The following RHBDL3 variants were observed in gnomAD, a reference collection of about 807,000 sequenced individuals.
RHBDL3 encodes the protein rhomboid-related protein 3.
Under a neutral mutation model 48.2 loss-of-function variants are expected in RHBDL3, and 28 were observed. That is an observed-to-expected ratio of 0.58 (90% CI 0.43 to 0.80). RHBDL3 has a LOEUF of 0.80. Ranked by LOEUF, RHBDL3 falls within the 30% of genes least tolerant of loss-of-function variation. The pLI is 0.00. For synonymous variants in RHBDL3, 208 were observed against 232.3 expected (o/e 0.90, Z 0.95); for missense variants, 464 against 542.7 (o/e 0.85, Z 1.44).
intron 2 of RHBDL3, among the ~76,000 whole-genome samples, chr17:32,268,328 G>A (rs761499760): frequency 6.6e-6 from 1 of 152,170 alleles, no homozygotes; most frequent in Non-Finnish European, 1.5e-5. Context: ...CACCGCTGAA[G>A]TCAAATCTCT....
chr17:32,270,850 T>C (rs555339469), intron 2 of RHBDL3, among the ~76,000 whole-genome samples: 60 of 152,316 alleles, frequency 3.9e-4, no homozygotes, highest in African/African-American at 1.4e-3. Context: ...TTTAAGTAGA[T>C]TTAAAATTTA....
intron 3 of RHBDL3, among the ~76,000 whole-genome samples, chr17:32,287,257 A>T (rs2040218963): frequency 6.6e-6 from 1 of 151,916 alleles, no homozygotes; most frequent in South Asian, 2.1e-4. Context: ...GGTGCTGTGC[A>T]CTCCCCTGTG....
chr17:32,266,133 C>G lies in RHBDL3; in HGVS notation c.-57C>G. The G allele has an allele frequency of 1.6e-6, 1 of 627,952 alleles. No individual in the cohort carries two copies. The highest frequency in any genetic ancestry group is 2.1e-6 in the Non-Finnish European group (1 of 480,426). The allele number at this position is 627,952 out of a possible 1,614,324, so 38.9% of individuals were successfully genotyped here. On this transcript the variant is annotated 5_prime_UTR_variant, in exon 1 of 9. Coordinates refer to ENST00000269051, the MANE Select transcript of RHBDL3 (RefSeq NM_138328.3). ...CGCGGCCGCCGCGGCGCAAAGTTAG[C>G]CCGGCGCCCCGGGACGAGCCCCGCA...
At chr17:32,299,046 GT>G (rs71362825) in intron 6 of RHBDL3, among the ~76,000 whole-genome samples, 104 of 141,218 alleles carry the variant, frequency 7.4e-4, no homozygotes, top group South Asian at 2.3e-3. Flanking sequence ...ATTGCCGGCT[GT>G]TTTTTTTTTT....
intron 7 of RHBDL3, among the ~76,000 whole-genome samples, chr17:32,315,525 C>T (rs532949987): frequency 1.4e-4 from 21 of 152,312 alleles, no homozygotes; most frequent in African/African-American, 5.1e-4. Flanking sequence ...GGCCCACCCC[C>T]TCTCCAGTAT....
At chr17:32,269,090 G>T (rs1197111948) in intron 2 of RHBDL3, among the ~76,000 whole-genome samples, 1 of 152,178 alleles carries the variant, frequency 6.6e-6, no homozygotes, top group African/African-American at 2.4e-5. Context: ...ACTCACGCTT[G>T]TAATCCCAAC....
chr17:32,290,482 G>A (rs1019616755), intron 4 of RHBDL3, among the ~76,000 whole-genome samples: 5 of 152,150 alleles, frequency 3.3e-5, no homozygotes, highest in Non-Finnish European at 7.4e-5. Flanking sequence ...TCAAATAGCT[G>A]AAATAACGAT....
At chr17:32,296,619 C>A (rs1435948056) in intron 5 of RHBDL3, among the ~76,000 whole-genome samples, 7 of 151,878 alleles carry the variant, frequency 4.6e-5, no homozygotes, top group Non-Finnish European at 8.8e-5. Context: ...CAGGCTTGAG[C>A]CACCGCACCT....
At chr17:32,295,777 T>A (rs1156786146) in intron 5 of RHBDL3, among the ~76,000 whole-genome samples, 1 of 152,218 alleles carries the variant, frequency 6.6e-6, no homozygotes, top group Non-Finnish European at 1.5e-5. Context: ...CAGTGGGTGT[T>A]AAAGTGCTGT....
At chr17:32,300,218 G>C (rs1166703911) in intron 6 of RHBDL3, among the ~76,000 whole-genome samples, 2 of 152,156 alleles carry the variant, frequency 1.3e-5, no homozygotes, top group African/African-American at 4.8e-5. Context: ...GAACCAAAAG[G>C]TGGTCCTTGT....
intron 2 of RHBDL3, among the ~76,000 whole-genome samples, chr17:32,273,292 G>A (rs1165237953): frequency 6.6e-6 from 1 of 152,146 alleles, no homozygotes; most frequent in African/African-American, 2.4e-5. Context: ...GCGAGCCACC[G>A]CGCCCAGCCC....
chr17:32,266,345 G>A, intron 1 of RHBDL3, 45 bp downstream of exon 1: 1 of 1,100,132 alleles, frequency 9.1e-7, no homozygotes, highest in Non-Finnish European at 1.2e-6. Flanking sequence ...GGGGGCGCCG[G>A]GGGGAAAAGC....
intron 7 of RHBDL3, among the ~76,000 whole-genome samples, chr17:32,313,554 A>C (rs2040893520): frequency 6.6e-6 from 1 of 152,094 alleles, no homozygotes; most frequent in Non-Finnish European, 1.5e-5. Flanking sequence ...TGTACCCACT[A>C]AACAATGACT....
At chr17:32,314,245 G>A (rs147817310) in intron 7 of RHBDL3, among the ~76,000 whole-genome samples, 16 of 152,302 alleles carry the variant, frequency 1.1e-4, no homozygotes, top group Non-Finnish European at 1.6e-4. Context: ...TCAGGGAAGG[G>A]AGGAGGTGGG....
At chr17:32,304,565 T>C (rs2040663744) in intron 6 of RHBDL3, among the ~76,000 whole-genome samples, 1 of 152,204 alleles carries the variant, frequency 6.6e-6, no homozygotes, top group Non-Finnish European at 1.5e-5. Context: ...CAGAGGGCTG[T>C]CTTGAGGATT....
At position 32,323,661 on chromosome 17, in the gene RHBDL3, C is replaced by T. The variant is rs1273870921; in HGVS notation, c.*2432C>T. 1 of 152,232 alleles carries T rather than the reference C, an allele frequency of 6.6e-6. No individual in the cohort carries two copies. The highest frequency in any genetic ancestry group is 1.5e-5 in the Non-Finnish European group (1 of 68,084). 9.4% of individuals were successfully genotyped at this position (152,232 alleles called of 1,614,324 possible). ...GCTCCCTCGGGGACTCCCAGGGAAG[C>T]TTGTTACTGAGAAGGACAGTGGAGG... On this transcript the variant is annotated 3_prime_UTR_variant, in exon 9 of 9. Transcript: ENST00000269051.
At chr17:32,283,781 G>A (rs528381978) in intron 2 of RHBDL3, among the ~76,000 whole-genome samples, 5 of 152,166 alleles carry the variant, frequency 3.3e-5, no homozygotes, top group Non-Finnish European at 5.9e-5. Flanking sequence ...TTGTGATACC[G>A]ACCCGCGAGG....
intron 7 of RHBDL3, among the ~76,000 whole-genome samples, chr17:32,311,043 T>C (rs973743514): frequency 6.6e-6 from 1 of 152,244 alleles, no homozygotes; most frequent in Non-Finnish European, 1.5e-5. Flanking sequence ...GGGATAGATA[T>C]AGAAAGCTGT....
At chr17:32,273,910 A>G (rs1021876707) in intron 2 of RHBDL3, among the ~76,000 whole-genome samples, 5 of 151,956 alleles carry the variant, frequency 3.3e-5, no homozygotes, top group African/African-American at 1.2e-4. Context: ...TAATTTTTGT[A>G]TTTTTAGTAG....
Sources: gnomAD v4.1 joint callset for allele counts (sites outside exome capture counted in the v4.1 genomes callset) on GRCh38, gnomAD v4.1.1 for gene constraint, MANE v1.5 for transcripts, NCBI Gene and HGNC (gene_info 2026-07-23, HGNC 2026-07-21) for gene names.